Variants in PDE1C observed in about 807,000 individuals in gnomAD.
The protein encoded by PDE1C is phosphodiesterase 1C.
Under a neutral mutation model 93.1 loss-of-function variants are expected in PDE1C, and 62 were observed. The observed-to-expected ratio is 0.67, with a 90% CI of 0.54 to 0.82. The LOEUF (loss-of-function observed/expected upper bound fraction) is 0.82, where lower values mean the gene tolerates loss of function less well. Ranked by LOEUF, PDE1C falls within the 40% of genes least tolerant of loss-of-function variation. The probability of loss-of-function intolerance (pLI) is 0.00; values close to 1 mark genes in which losing one functional copy is unlikely to be tolerated. For synonymous variants in PDE1C, 325 were observed against 310.1 expected, an observed-to-expected ratio of 1.05 and a Z score of -0.50; for missense variants, 742 against 884.6, an observed-to-expected ratio of 0.84 and a Z score of 2.04.
chr7:32,086,066 C>A (rs913543013), intron 3 of PDE1C, among the ~76,000 whole-genome samples: 4 of 151,418 alleles, frequency 2.6e-5, no homozygotes, highest in Non-Finnish European at 5.9e-5. Context: ...GTCAAATTGT[C>A]CCTGTTTGCA....
At position 32,348,144 on chromosome 7, in the gene PDE1C, G is replaced by T. The variant is rs113839417; in HGVS notation, c.310+79678C>A. Among the ~76,000 whole-genome samples, 164 of 152,130 alleles carry T rather than the reference G, an allele frequency of 1.1e-3. 1 individual carries two copies. The highest frequency in any genetic ancestry group is 3.6e-3 in the African/African-American group (149 of 41,510). On this transcript the variant is annotated intron_variant, in intron 1 of 1. Transcript: ENST00000672256. ...ACTCCATCATCTCATGGCTGCAAAT[G>T]ACTTTATGAGGGAAAGAGGACTGGG...
rs62458064 is a variant in PDE1C, at chr7:32,420,388, T to C, written c.310+7434A>G. The stretch of plus-strand genomic sequence containing the variant: ...ATGTGTATATATATGTGTATATATA[T>C]ATATACACACACACACACACACACA... On this transcript the variant is annotated intron_variant, in intron 1 of 1. Coordinates refer to the PDE1C transcript ENST00000672256. Among the ~76,000 whole-genome samples the C allele has an allele frequency of 1.7e-3, 111 of 65,376 alleles. 28 individuals carry two copies. The highest frequency in any genetic ancestry group is 4.5e-3 in the African/African-American group (79 of 17,558). 42.9% of individuals were successfully genotyped at this position (65,376 alleles called of 152,430 possible).
At chr7:32,320,836 T>C (rs2128073405) in intron 1 of PDE1C, among the ~76,000 whole-genome samples, 1 of 152,314 alleles carries the variant, frequency 6.6e-6, no homozygotes, top group South Asian at 2.1e-4. Flanking sequence ...TAGGGCTCTG[T>C]CCTATATTGT....
intron 3 of PDE1C, among the ~76,000 whole-genome samples, chr7:32,152,685 T>C (rs375871646): frequency 4.4e-3 from 666 of 152,326 alleles, no homozygotes; most frequent in Non-Finnish European, 5.8e-3. Flanking sequence ...ACTTATATCA[T>C]AGCATTCCTT....
chr7:32,116,877 T>A (rs543669623), intron 3 of PDE1C, among the ~76,000 whole-genome samples: 1 of 152,276 alleles, frequency 6.6e-6, no homozygotes, highest in East Asian at 1.9e-4. Context: ...TTTAGTCACA[T>A]CTCTGGACAA....
chr7:32,369,619 A>G (rs917599525), intron 1 of PDE1C, among the ~76,000 whole-genome samples: 2 of 152,228 alleles, frequency 1.3e-5, no homozygotes, highest in Non-Finnish European at 2.9e-5. Flanking sequence ...CATATGATTC[A>G]GCTATCCTAC....
intron 2 of PDE1C, among the ~76,000 whole-genome samples, chr7:32,183,443 C>T (rs1803586213): frequency 1.3e-5 from 2 of 152,028 alleles, no homozygotes; most frequent in Admixed American, 6.6e-5. Context: ...GTACTGGTAC[C>T]AAAACAGAGA....
In PDE1C at chr7:31,880,730, T is replaced by C; in HGVS notation, c.242+17A>G. 6.9e-7 allele frequency: 1 copy of C among 1,452,704 alleles called. No individual in the cohort carries two copies. Among genetic ancestry groups the C allele is most frequent in the Non-Finnish European group, 9.6e-7 (1 of 1,037,796 alleles). The allele number at this position is 1,452,704 out of a possible 1,614,324, so 90.0% of individuals were successfully genotyped here. On this transcript the variant is annotated intron_variant, in intron 3 of 17. Coordinates refer to ENST00000396191, the MANE Select transcript of PDE1C (RefSeq NM_001191057.4). Reference sequence around the variant, plus strand: ...TTACTATCACTATACTAATCTCTTTTGTTATTTTTAGCTTACCTTGTTTCA... The same window carrying C: ...TTACTATCACTATACTAATCTCTTTCGTTATTTTTAGCTTACCTTGTTTCA...
intron 3 of PDE1C, among the ~76,000 whole-genome samples, chr7:32,142,263 AG>A (rs1800583649): frequency 1.3e-5 from 2 of 152,176 alleles, no homozygotes; most frequent in African/African-American, 2.4e-5. Flanking sequence ...GGAAGGTACA[AG>A]GGCAAAGGCA....
Position 31,861,845 on chromosome 7 carries a change from T to C in PDE1C, c.750+3097A>G, listed in dbSNP as rs576181927. On this transcript the variant is annotated intron_variant, in intron 7 of 17. Transcript: ENST00000396191. Reference sequence around the variant, plus strand: ...TATCAGGTCACATCACTTCCCTGTCTAAAACCCTGTAGTGGCTTCCTACTG... The same window carrying C: ...TATCAGGTCACATCACTTCCCTGTCCAAAACCCTGTAGTGGCTTCCTACTG... Among the ~76,000 whole-genome samples, 4 of 152,314 alleles carry C rather than the reference T, an allele frequency of 2.6e-5. No individual in the cohort carries two copies. In the East Asian group the frequency reaches 7.7e-4, roughly 29 times the overall value.
At chr7:31,651,873 T>C in the PDE1C span, 1 of 1,111,502 alleles carries the variant, frequency 9.0e-7, no homozygotes, top group Non-Finnish European at 1.3e-6. Flanking sequence ...TATTATGAGG[T>C]GACAATGGAA....
At chr7:32,010,632 A>T (rs1786951428) in intron 2 of PDE1C, among the ~76,000 whole-genome samples, 1 of 152,204 alleles carries the variant, frequency 6.6e-6, no homozygotes, top group Non-Finnish European at 1.5e-5. Context: ...GGTCACTATA[A>T]AATCAGAAAT....
At chr7:31,790,287 G>C in intron 16 of PDE1C, 11 of 1,591,706 alleles carry the variant, frequency 6.9e-6, no homozygotes, top group Non-Finnish European at 9.5e-6. Flanking sequence ...AAAAAGAAAA[G>C]TGTCAATGCT....
At chr7:31,786,507 G>A (rs905030819) in intron 16 of PDE1C, 7 of 152,068 alleles carry the variant, frequency 4.6e-5, no homozygotes, top group Non-Finnish European at 8.8e-5. Context: ...AATTTTCAGG[G>A]AAATTTGAAT....
At chr7:32,227,261 G>A (rs1807355691) in intron 1 of PDE1C, among the ~76,000 whole-genome samples, 1 of 152,166 alleles carries the variant, frequency 6.6e-6, no homozygotes, top group Non-Finnish European at 1.5e-5. Context: ...TGGAGAAGGA[G>A]CAGGGTGGTC....
rs549803500 is a variant in PDE1C at position 31,871,155 on chromosome 7, G to T, written c.609+2137C>A. Among the ~76,000 whole-genome samples the T allele has an allele frequency of 2.3e-3, 343 of 151,826 alleles. 1 individual carries two copies. Among genetic ancestry groups the T allele is most frequent in the Non-Finnish European group, 3.1e-3 (212 of 67,856 alleles). ...GACCCCTTCTTCAAGAAATAACTCTGGGAAAATTGAATATCCATATATAGA... is the reference window on the plus strand; with the variant it reads ...GACCCCTTCTTCAAGAAATAACTCTTGGAAAATTGAATATCCATATATAGA... On this transcript the variant is annotated intron_variant, in intron 6 of 17. Transcript: ENST00000396191.
chr7:31,664,881 T>G, the PDE1C span, among the ~76,000 whole-genome samples: 1 of 152,196 alleles, frequency 6.6e-6, no homozygotes, highest in Admixed American at 6.5e-5. Flanking sequence ...ATTCTTTCCT[T>G]TATCCACTTG....
At chr7:31,867,967 A>C (rs950933820) in intron 6 of PDE1C, among the ~76,000 whole-genome samples, 16 of 152,234 alleles carry the variant, frequency 1.1e-4, no homozygotes, top group Non-Finnish European at 2.9e-5. Context: ...TCATACAAAG[A>C]CTGCACTACT....
chr7:31,652,713 C>T, the PDE1C span: 7 of 1,613,956 alleles, frequency 4.3e-6, no homozygotes, highest in Admixed American at 1.7e-5. Flanking sequence ...CTTCACTCCA[C>T]CCACCTTGGA....
Sources: allele counts gnomAD v4.1 joint callset (sites outside exome capture counted in the v4.1 genomes callset), GRCh38; gene constraint gnomAD v4.1.1; transcripts MANE v1.5; gene names NCBI Gene and HGNC (gene_info 2026-07-23, HGNC 2026-07-21).